Variants in CUL3 observed in about 807,000 individuals in gnomAD.
The protein encoded by CUL3 is cullin-3.
In CUL3, 19 loss-of-function variants were observed where a neutral mutation model predicts 89.1. That is an observed-to-expected ratio of 0.21 (90% CI 0.15 to 0.31). The LOEUF (loss-of-function observed/expected upper bound fraction) is 0.31. CUL3 is among the 10% of genes least tolerant of loss of function. CUL3 has a pLI of 1.00. For synonymous variants in CUL3, 351 were observed against 308.4 expected, an observed-to-expected ratio of 1.14 and a Z score of -1.45; for missense variants, 469 against 942.3, an observed-to-expected ratio of 0.50 and a Z score of 6.58.
intron 2 of CUL3, among the ~76,000 whole-genome samples, chr2:224,543,162 T>A (rs189023081): frequency 6.6e-6 from 1 of 152,206 alleles, no homozygotes; most frequent in Non-Finnish European, 1.5e-5. Context: ...CTAAAGTTCA[T>A]TGAAACTAAA....
rs1691219877 is a variant in CUL3 at position 224,473,913 on chromosome 2, A to G, written c.*332T>C. 4.3e-6 allele frequency: 1 copy of G among 232,812 alleles called. No individual in the cohort carries two copies. Among genetic ancestry groups the G allele is most frequent in the East Asian group, 6.5e-5 (1 of 15,476 alleles). The allele number at this position is 232,812 out of a possible 1,614,324, so 14.4% of individuals were successfully genotyped here. On this transcript the variant is annotated 3_prime_UTR_variant, in exon 16 of 16. Coordinates refer to ENST00000264414, the MANE Select transcript of CUL3 (RefSeq NM_003590.5). ...AACACTGAAGACCTGGGGAAATGAA[A>G]TCCAACAATTTTATTGTAATGAGCT...
intron 13 of CUL3, among the ~76,000 whole-genome samples, chr2:224,490,007 A>G (rs1691895817): frequency 6.6e-6 from 1 of 152,230 alleles, no homozygotes; most frequent in Non-Finnish European, 1.5e-5. Context: ...CAAATTTACA[A>G]GAAAAAAAGA....
At chr2:224,488,273 A>G in intron 13 of CUL3, among the ~76,000 whole-genome samples, 1 of 152,076 alleles carries the variant, frequency 6.6e-6, no homozygotes, top group Non-Finnish European at 1.5e-5. Context: ...AGAAAACAGA[A>G]CTGAAGGAGA....
chr2:224,511,771 T>C (rs1162479861), intron 5 of CUL3, among the ~76,000 whole-genome samples, 189 bp from the exon 6 acceptor site: 1 of 152,198 alleles, frequency 6.6e-6, no homozygotes, highest in Non-Finnish European at 1.5e-5. Context: ...CTTTGGTATT[T>C]ACATAATACT....
chr2:224,490,523 A>C (rs979042146), intron 13 of CUL3, among the ~76,000 whole-genome samples: 2 of 152,018 alleles, frequency 1.3e-5, no homozygotes, highest in Non-Finnish European at 2.9e-5. Context: ...CCCCGGGCCC[A>C]GCTGTCTTTT....
At position 224,585,091 on chromosome 2, in the gene CUL3, G is replaced by C; in HGVS notation, c.-82C>G. Reference sequence around the variant, plus strand: ...ACATTTAAGGCGGGCAGGCAGGCTAGGGGCGACGCTGGGGGCGGCGGCGGC... The same window carrying C: ...ACATTTAAGGCGGGCAGGCAGGCTACGGGCGACGCTGGGGGCGGCGGCGGC... On this transcript the variant is annotated 5_prime_UTR_variant, in exon 1 of 16. Coordinates refer to ENST00000264414, the MANE Select transcript of CUL3 (RefSeq NM_003590.5). The C allele has an allele frequency of 3.4e-6, 4 of 1,178,642 alleles. No individual in the cohort carries two copies. The highest frequency in any genetic ancestry group is 3.1e-5 in the South Asian group (2 of 64,068). 73.0% of individuals were successfully genotyped at this position (1,178,642 alleles called of 1,614,324 possible).
intron 8 of CUL3, chr2:224,504,450 T>G (rs1489652585): frequency 6.6e-6 from 1 of 152,392 alleles, no homozygotes; most frequent in Non-Finnish European, 1.5e-5. Context: ...TAGCTGGGAT[T>G]AGACATGCAC....
At chr2:224,527,292 CA>C (rs1693517028) in intron 3 of CUL3, among the ~76,000 whole-genome samples, 1 of 152,178 alleles carries the variant, frequency 6.6e-6, no homozygotes, top group Admixed American at 6.5e-5. Flanking sequence ...TCTAAATGTG[CA>C]ACCTAGAATA....
chr2:224,580,744 T>A (rs1695417183), intron 1 of CUL3, among the ~76,000 whole-genome samples: 1 of 152,160 alleles, frequency 6.6e-6, no homozygotes, highest in Non-Finnish European at 1.5e-5. Context: ...CTGATGGGAA[T>A]TTATCTGGAG....
intron 14 of CUL3, chr2:224,479,228 G>C (rs1427012279): frequency 1.3e-5 from 2 of 152,162 alleles, no homozygotes; most frequent in Admixed American, 1.3e-4. Context: ...CCACGAGACA[G>C]CAGATTGTAC....
intron 2 of CUL3, among the ~76,000 whole-genome samples, chr2:224,553,459 AATTT>A (rs1246008616): frequency 3.3e-5 from 5 of 152,350 alleles, no homozygotes; most frequent in African/African-American, 1.2e-4. Context: ...TATATTTTAA[AATTT>A]ATTTAGTACA....
chr2:224,552,958 A>G (rs142061976), intron 2 of CUL3, among the ~76,000 whole-genome samples: 1 of 152,342 alleles, frequency 6.6e-6, no homozygotes, highest in East Asian at 1.9e-4. Flanking sequence ...CCTTCTAGTC[A>G]AAAGATGCAA....
intron 1 of CUL3, among the ~76,000 whole-genome samples, chr2:224,567,348 G>T (rs1695066546): frequency 6.6e-6 from 1 of 152,180 alleles, no homozygotes; most frequent in Non-Finnish European, 1.5e-5. Context: ...CTCCTGAGCA[G>T]CTGGGACTAC....
intron 5 of CUL3, 142 bp downstream of exon 5, chr2:224,513,381 AG>A (rs1041700975): frequency 3.0e-5 from 18 of 592,602 alleles, no homozygotes; most frequent in Non-Finnish European, 5.3e-5. Context: ...AATGTGAGGT[AG>A]TGTGCTGATG....
At chr2:224,482,473 C>T (rs537654974) in intron 13 of CUL3, among the ~76,000 whole-genome samples, 5 of 151,972 alleles carry the variant, frequency 3.3e-5, no homozygotes, top group Middle Eastern at 3.4e-3. Context: ...TACTCTTTTG[C>T]TTAGTAATTT....
At chr2:224,529,355 C>T (rs571699488) in intron 3 of CUL3, among the ~76,000 whole-genome samples, 78 of 151,810 alleles carry the variant, frequency 5.1e-4, no homozygotes, top group African/African-American at 1.8e-3. Flanking sequence ...TGGTGGCTCA[C>T]GCCTGTAATC....
chr2:224,526,099 CTT>C (rs1460018918), intron 3 of CUL3, among the ~76,000 whole-genome samples: 1 of 152,196 alleles, frequency 6.6e-6, no homozygotes, highest in Non-Finnish European at 1.5e-5. Flanking sequence ...AATCAGATCT[CTT>C]GTCCAATAAT....
intron 1 of CUL3, among the ~76,000 whole-genome samples, chr2:224,569,999 G>T (rs1249386601): frequency 6.7e-6 from 1 of 148,202 alleles, no homozygotes; most frequent in Non-Finnish European, 1.5e-5. Flanking sequence ...AAGCATCTGA[G>T]GAATGGCAGT....
intron 13 of CUL3, among the ~76,000 whole-genome samples, chr2:224,494,460 T>A (rs559681184): frequency 6.6e-6 from 1 of 152,038 alleles, no homozygotes; most frequent in Non-Finnish European, 1.5e-5. Context: ...AAGCATATTA[T>A]AAAATTAGTT....
Sources: gnomAD v4.1 joint callset for allele counts (sites outside exome capture counted in the v4.1 genomes callset) on GRCh38, gnomAD v4.1.1 for gene constraint, MANE v1.5 for transcripts, NCBI Gene and HGNC (gene_info 2026-07-23, HGNC 2026-07-21) for gene names.